PRKG1: variants seen among roughly 807,000 people sequenced by gnomAD.
The protein encoded by PRKG1 is cGMP-dependent protein kinase 1.
In PRKG1, 35 loss-of-function variants were observed where a neutral mutation model predicts 88.1. That is an observed-to-expected ratio of 0.40 (90% confidence interval 0.30 to 0.53). The LOEUF is 0.53. PRKG1 is among the 20% of genes least tolerant of loss of function. PRKG1 has a pLI of 0.59. For missense variants in PRKG1, 540 were observed against 839.8 expected (o/e 0.64, Z 4.41); for synonymous variants, 303 against 292.5 (o/e 1.04, Z -0.37).
At chr10:51,594,292 C>T (rs1838386347) in intron 3 of PRKG1, among the ~76,000 whole-genome samples, 1 of 152,140 alleles carries the variant, frequency 6.6e-6, no homozygotes, top group Admixed American at 6.6e-5. Flanking sequence ...CCTCTAAAAG[C>T]ACTGGGATTA....
intron 3 of PRKG1, among the ~76,000 whole-genome samples, chr10:51,679,657 T>A (rs1447052584): frequency 6.6e-6 from 1 of 151,446 alleles, no homozygotes; most frequent in Admixed American, 6.6e-5. Context: ...ACCATTTACA[T>A]AGTTCTGTGA....
At chr10:51,758,427 C>T (rs755145246) in intron 3 of PRKG1, among the ~76,000 whole-genome samples, 14 of 151,898 alleles carry the variant, frequency 9.2e-5, no homozygotes, top group Non-Finnish European at 1.8e-4. Flanking sequence ...GGTTATTGGC[C>T]CTCAGAAAAT....
At chr10:51,995,588 C>T (rs1281064300) in intron 5 of PRKG1, among the ~76,000 whole-genome samples, 2 of 152,022 alleles carry the variant, frequency 1.3e-5, no homozygotes, top group Non-Finnish European at 2.9e-5. Flanking sequence ...CTTTTCTCCT[C>T]TACCATATTG....
At chr10:51,264,116 T>A (rs1348924256) in intron 2 of PRKG1, among the ~76,000 whole-genome samples, 2 of 152,236 alleles carry the variant, frequency 1.3e-5, no homozygotes, top group African/African-American at 4.8e-5. Flanking sequence ...ATATTATCAA[T>A]GAATTGTTTC....
At chr10:52,141,003 T>A (rs1027570068) in intron 8 of PRKG1, among the ~76,000 whole-genome samples, 1 of 152,206 alleles carries the variant, frequency 6.6e-6, no homozygotes, top group Non-Finnish European at 1.5e-5. Context: ...GATTTTATTT[T>A]GGTTCATTTT....
chr10:51,156,326 C>CCT (rs1846213497), intron 2 of PRKG1, among the ~76,000 whole-genome samples: 1 of 151,574 alleles, frequency 6.6e-6, no homozygotes, highest in African/African-American at 2.4e-5. Flanking sequence ...CACACACACC[C>CCT]GAATGTAACA....
chr10:51,216,873 T>C (rs1168074324), intron 2 of PRKG1, among the ~76,000 whole-genome samples: 1 of 152,198 alleles, frequency 6.6e-6, no homozygotes. Flanking sequence ...ATCAGGCTAC[T>C]ATAATATAAA....
At position 51,876,152 on chromosome 10, in the gene PRKG1, CA is replaced by C. The variant is rs1248699588; in HGVS notation, c.699-31353del. On this transcript the variant is annotated intron_variant, in intron 4 of 17. Coordinates refer to ENST00000373980, the MANE Select transcript of PRKG1 (RefSeq NM_006258.4). The stretch of plus-strand genomic sequence containing the variant: ...AGCTAATTAATAAATAAACTTGCCA[CA>C]AGTTGTTAATACATTTGCCCTCCCC... 2.6e-5 allele frequency among the ~76,000 whole-genome samples: 4 copies of C among 152,106 alleles called. No individual in the cohort carries two copies. In the East Asian group the frequency reaches 7.7e-4, roughly 29 times the overall value.
chr10:51,745,401 C>T (rs1333521909), intron 3 of PRKG1, among the ~76,000 whole-genome samples: 1 of 152,100 alleles, frequency 6.6e-6, no homozygotes, highest in Non-Finnish European at 1.5e-5. Context: ...TGTGTACCTT[C>T]TACCCATGAT....
chr10:51,630,340 T>G (rs1839491412), intron 3 of PRKG1, among the ~76,000 whole-genome samples: 1 of 152,176 alleles, frequency 6.6e-6, no homozygotes, highest in Non-Finnish European at 1.5e-5. Flanking sequence ...TAGGTGACGT[T>G]TCTCAGCTAA....
At chr10:51,682,035 C>G (rs1840863039) in intron 3 of PRKG1, among the ~76,000 whole-genome samples, 1 of 152,056 alleles carries the variant, frequency 6.6e-6, no homozygotes, top group Non-Finnish European at 1.5e-5. Flanking sequence ...TTTGGATAAT[C>G]TGTCCTCTAT....
At chr10:52,110,600 C>T (rs941099979) in intron 7 of PRKG1, among the ~76,000 whole-genome samples, 3 of 152,144 alleles carry the variant, frequency 2.0e-5, no homozygotes, top group Admixed American at 6.5e-5. Context: ...CAATACCACA[C>T]TCTTTTCTGG....
chr10:51,862,158 G>T (rs1251838619), intron 4 of PRKG1, among the ~76,000 whole-genome samples: 2 of 152,148 alleles, frequency 1.3e-5, no homozygotes, highest in African/African-American at 4.8e-5. Flanking sequence ...GGGGAGAGGG[G>T]CATGTTATAG....
At chr10:51,521,142 C>T (rs540610044) in intron 3 of PRKG1, among the ~76,000 whole-genome samples, 3 of 152,212 alleles carry the variant, frequency 2.0e-5, no homozygotes, top group African/African-American at 7.2e-5. Context: ...CAAAAATTAG[C>T]TGAGAGTGGT....
In PRKG1 at chr10:51,182,837, G is replaced by A. The variant is rs185347452; in HGVS notation, c.478+29507G>A. ...ATTCCAACAGCCTTCAAGAATTGTC[G>A]AATTCATACTTAGGCATAAGTCTTT... On this transcript the variant is annotated intron_variant, in intron 2 of 17. Coordinates refer to ENST00000373980, the MANE Select transcript of PRKG1 (RefSeq NM_006258.4). 2.0e-3 allele frequency among the ~76,000 whole-genome samples: 299 copies of A among 152,270 alleles called. 1 individual carries two copies. Among genetic ancestry groups the A allele is most frequent in the African/African-American group, 7.0e-3 (290 of 41,542 alleles).
intron 10 of PRKG1, among the ~76,000 whole-genome samples, chr10:52,257,044 C>A (rs1321461551): frequency 7.2e-6 from 1 of 139,240 alleles, no homozygotes; most frequent in Non-Finnish European, 1.6e-5. Context: ...CCTTCTTAAC[C>A]CATGGCACCT....
intron 5 of PRKG1, among the ~76,000 whole-genome samples, chr10:51,938,559 AT>A (rs1486707596): frequency 6.6e-6 from 1 of 151,986 alleles, no homozygotes; most frequent in Non-Finnish European, 1.5e-5. Flanking sequence ...AATCTTAAGC[AT>A]TCCTTTCTTC....
chr10:51,093,797 T>TACAC (rs1371514655), intron 1 of PRKG1, among the ~76,000 whole-genome samples: 68 of 117,566 alleles, frequency 5.8e-4, no homozygotes, highest in African/African-American at 2.6e-3. Context: ...TTTATATATA[T>TACAC]ATATACACAC....
intron 5 of PRKG1, among the ~76,000 whole-genome samples, chr10:52,014,715 C>A (rs1244981517): frequency 6.6e-6 from 1 of 152,220 alleles, no homozygotes; most frequent in South Asian, 2.1e-4. Flanking sequence ...AAGCTAGTTA[C>A]TCCCAAGATA....
Sources: gnomAD v4.1 joint callset for allele counts (sites outside exome capture counted in the v4.1 genomes callset) on GRCh38, gnomAD v4.1.1 for gene constraint, MANE v1.5 for transcripts, NCBI Gene and HGNC (gene_info 2026-07-23, HGNC 2026-07-21) for gene names.